The following LONP1 variants were observed in gnomAD, a reference collection of about 807,000 sequenced individuals.
The protein encoded by LONP1 is lon protease homolog, mitochondrial.
LONP1 carries 31 observed loss-of-function variants against 98.5 expected under a neutral mutation model. That is an observed-to-expected ratio of 0.31 (90% CI 0.24 to 0.42). The LOEUF (loss-of-function observed/expected upper bound fraction) is 0.42. Among genes scored for constraint, LONP1 ranks in the 20% least tolerant of loss-of-function variants. LONP1 has a pLI of 1.00. For synonymous variants in LONP1, 781 were observed against 594.7 expected, an observed-to-expected ratio of 1.31 and a Z score of -4.56; for missense variants, 1,336 against 1,350.6, an observed-to-expected ratio of 0.99 and a Z score of 0.17.
chr19:5,716,196 A>T (rs2145633299), intron 1 of LONP1, among the ~76,000 whole-genome samples: 1 of 145,922 alleles, frequency 6.9e-6, no homozygotes, highest in South Asian at 2.2e-4. Flanking sequence ...ACACAGTGAG[A>T]CCCCATCTCT....
At position 5,715,156 on chromosome 19, in the gene LONP1, A is replaced by G. The variant is rs561926601; in HGVS notation, c.430-885T>C. The stretch of plus-strand genomic sequence containing the variant: ...CTTCTTAGCGGTTTCCCCACTCCCA[A>G]AGGAAATTCAAAGTAGACGAATGGT... On this transcript the variant is annotated intron_variant, in intron 1 of 17. Coordinates refer to ENST00000360614, the MANE Select transcript of LONP1 (RefSeq NM_004793.4). The G allele has an allele frequency of 7.9e-5, 12 of 152,106 alleles. No individual in the cohort carries two copies. The East Asian group carries it at 2.1e-3, about 27-fold the overall frequency. 9.4% of individuals were successfully genotyped at this position (152,106 alleles called of 1,614,324 possible).
intron 1 of LONP1, among the ~76,000 whole-genome samples, chr19:5,716,661 G>C (rs1004849666): frequency 6.6e-6 from 1 of 151,652 alleles, no homozygotes; most frequent in Non-Finnish European, 1.5e-5. Context: ...CAGAACGCTT[G>C]TACCTCTGTA....
At chr19:5,709,307 G>A (rs777058157) in intron 4 of LONP1, among the ~76,000 whole-genome samples, 71 of 151,164 alleles carry the variant, frequency 4.7e-4, no homozygotes, top group Non-Finnish European at 9.0e-4. Flanking sequence ...TGGCCAACAC[G>A]GTGAAACCCC....
At chr19:5,715,052 A>C (rs947403517) in intron 1 of LONP1, 3 of 150,568 alleles carry the variant, frequency 2.0e-5, no homozygotes, top group Admixed American at 6.6e-5. Context: ...TAAACAAAAA[A>C]AAAAAAAAAA....
At chr19:5,716,232 T>G (rs905658448) in intron 1 of LONP1, among the ~76,000 whole-genome samples, 5 of 134,994 alleles carry the variant, frequency 3.7e-5, no homozygotes, top group Non-Finnish European at 6.2e-5. Flanking sequence ...TTTTTAATTC[T>G]TTATTATATA....
chr19:5,692,603 C>A (rs1311609158), intron 17 of LONP1, among the ~76,000 whole-genome samples: 1 of 152,180 alleles, frequency 6.6e-6, no homozygotes, highest in Non-Finnish European at 1.5e-5. Context: ...CGTCACCCCC[C>A]TCACCTCCGG....
In LONP1 at chr19:5,705,874, C is replaced by G; in HGVS notation, c.1265G>C (p.Arg422Pro). 1 of 1,614,166 alleles carries G rather than the reference C, an allele frequency of 6.2e-7. No homozygotes were observed. Among genetic ancestry groups the G allele is most frequent in the South Asian group, 1.1e-5 (1 of 91,086 alleles). ...DDKDAIEEKF[R>P]ERLKELVVPK... Reference sequence around the variant, plus strand: ...GACCACGAGCTCCTTCAGGCGCTCCCGGAACTTCTCCTCGATGGCATCCTT... The same window carrying G: ...GACCACGAGCTCCTTCAGGCGCTCCGGGAACTTCTCCTCGATGGCATCCTT... The change falls in exon 8 of 18, where the codon CGG becomes CCG. Residue 422 changes from arginine to proline, a missense_variant. Around this residue, in one of 5 missense-constraint regions of LONP1, gnomAD observed 219 missense variants for 241.0 expected, o/e 0.91. Coordinates refer to ENST00000360614, the MANE Select transcript of LONP1 (RefSeq NM_004793.4).
At position 5,716,235 on chromosome 19, in the gene LONP1, A is replaced by G. The variant is rs1336654456; in HGVS notation, c.430-1964T>C. ...TTCTTTTTGAAGTTTTTAATTCTTT[A>G]TTATATAATAAAGTTAAAATATACA... On this transcript the variant is annotated intron_variant, in intron 1 of 17. Coordinates refer to ENST00000360614, the MANE Select transcript of LONP1 (RefSeq NM_004793.4). Among the ~76,000 whole-genome samples, 4 of 130,710 alleles carry G rather than the reference A, an allele frequency of 3.1e-5. No homozygotes were observed. In the East Asian group the frequency reaches 6.7e-4, roughly 22 times the overall value. 85.8% of individuals were successfully genotyped at this position (130,710 alleles called of 152,430 possible).
At chr19:5,693,874 C>T (rs1348207406) in intron 15 of LONP1, 105 bp from the exon 16 acceptor site, 3 of 924,334 alleles carry the variant, frequency 3.2e-6, no homozygotes, top group East Asian at 5.3e-5. Context: ...AGTTTAGCAT[C>T]TTGGTGCCCC....
intron 10 of LONP1, among the ~76,000 whole-genome samples, chr19:5,698,149 G>A (rs537214277): frequency 2.7e-5 from 3 of 112,442 alleles, no homozygotes; most frequent in Non-Finnish European, 5.3e-5. Flanking sequence ...CCCAACTCCC[G>A]GCTGGTCAGA....
At chr19:5,693,860 C>T in intron 15 of LONP1, 91 bp from the exon 16 acceptor site, 2 of 1,091,378 alleles carry the variant, frequency 1.8e-6, no homozygotes, top group Non-Finnish European at 2.7e-6. Flanking sequence ...ACCGCTCCTG[C>T]CCCAGTTTAG....
Position 5,694,413 on chromosome 19 carries a change from A to C in LONP1, c.2294T>G (p.Val765Gly). ...RMYDVTPPGVVMGLAWTAMGG... is the reference protein window; with the variant it reads ...RMYDVTPPGVGMGLAWTAMGG... Reference sequence around the variant, plus strand: ...CATTGCGGTCCAGGCCAGCCCCATGACCACGCCGGGCGGTGTCACGTCATA... The same window carrying C: ...CATTGCGGTCCAGGCCAGCCCCATGCCCACGCCGGGCGGTGTCACGTCATA... The change falls in exon 15 of 18, where the codon GTC (valine) becomes GGC (glycine). Residue 765 changes from valine to glycine, a missense_variant. Physicochemically the swap from Val to Gly is moderately radical, Grantham distance 109. Transcript: ENST00000360614. The C allele has an allele frequency of 1.2e-6, 2 of 1,613,294 alleles. No homozygotes were observed. Among genetic ancestry groups the C allele is most frequent in the Non-Finnish European group, 1.7e-6 (2 of 1,179,934 alleles).
At chr19:5,693,487 G>T (rs1480966425) in intron 16 of LONP1, 25 bp from the exon 17 acceptor site, 2 of 1,611,496 alleles carry the variant, frequency 1.2e-6, no homozygotes, top group African/African-American at 2.7e-5. Context: ...GGGGATAGTG[G>T]GTGAGCAGGT....
chr19:5,701,659 G>A (rs2055046378), intron 8 of LONP1, among the ~76,000 whole-genome samples: 1 of 152,180 alleles, frequency 6.6e-6, no homozygotes, highest in Non-Finnish European at 1.5e-5. Flanking sequence ...CTGGAGTGCA[G>A]TGGCGTGATC....
Position 5,714,250 on chromosome 19 carries a change from C to G in LONP1, c.451G>C (p.Glu151Gln). 1 of 1,613,774 alleles carries G rather than the reference C, an allele frequency of 6.2e-7. No individual in the cohort carries two copies. The highest frequency in any genetic ancestry group is 8.5e-7 in the Non-Finnish European group (1 of 1,179,776). The change falls in exon 2 of 18, where the codon GAG becomes CAG. Residue 151 changes from glutamate (E) to glutamine (Q), a missense_variant. Glu to Gln is a conservative substitution (Grantham distance 29). Around this residue, in one of 5 missense-constraint regions of LONP1, gnomAD observed 457 missense variants for 403.1 expected, o/e 1.13. Transcript: ENST00000360614. ...IIEVKNKKLV[E>Q]LLRRKVRLAQ... ...AGACGAACTTTCCTTCTCAGCAGCTCAACCAACTTCTTATTTTTAACCTAG... is the reference window on the plus strand; with the variant it reads ...AGACGAACTTTCCTTCTCAGCAGCTGAACCAACTTCTTATTTTTAACCTAG...
chr19:5,700,148 T>C (rs1337823754), intron 9 of LONP1, among the ~76,000 whole-genome samples: 2 of 152,000 alleles, frequency 1.3e-5, no homozygotes, highest in Non-Finnish European at 2.9e-5. Flanking sequence ...AGTTTCACTC[T>C]TGTTGCCCAG....
At chr19:5,701,242 G>C (rs146933001) in intron 8 of LONP1, among the ~76,000 whole-genome samples, 15 of 152,166 alleles carry the variant, frequency 9.9e-5, no homozygotes, top group African/African-American at 3.6e-4. Context: ...TCAGGAGATC[G>C]AGACCATCCT....
In LONP1 at chr19:5,714,100, G is replaced by C. The variant is rs533903731; in HGVS notation, c.518+83C>G. Reference sequence around the variant, plus strand: ...GGTTTCCTCGGGGTCAGGGGTCAAAGGTGCAAAGTACAGAGTAGGACTTGT... The same window carrying C: ...GGTTTCCTCGGGGTCAGGGGTCAAACGTGCAAAGTACAGAGTAGGACTTGT... On this transcript the variant is annotated intron_variant, in intron 2 of 17. Coordinates refer to ENST00000360614, the MANE Select transcript of LONP1 (RefSeq NM_004793.4). 6.5e-6 allele frequency: 7 copies of C among 1,073,842 alleles called. No homozygotes were observed. The African/African-American group carries it at 9.5e-5, about 15-fold the overall frequency. The allele number at this position is 1,073,842 out of a possible 1,614,324, so 66.5% of individuals were successfully genotyped here.
rs529284402 is a variant in LONP1, at chr19:5,704,394, A to G, written c.1367+1378T>C. Reference sequence around the variant, plus strand: ...TCGGGGCGTGCTGGGAGGGGAAGCCACAGCCTTCGCGCGCAACCAGTGCCT... The same window carrying G: ...TCGGGGCGTGCTGGGAGGGGAAGCCGCAGCCTTCGCGCGCAACCAGTGCCT... On this transcript the variant is annotated intron_variant, in intron 8 of 17. Coordinates refer to ENST00000360614, the MANE Select transcript of LONP1 (RefSeq NM_004793.4). 1.6e-4 allele frequency among the ~76,000 whole-genome samples: 25 copies of G among 152,302 alleles called. No individual in the cohort carries two copies. In the South Asian group the frequency reaches 1.9e-3, roughly 11 times the overall value.
Sources: gnomAD v4.1 joint callset for allele counts (sites outside exome capture counted in the v4.1 genomes callset) on GRCh38, gnomAD v4.1.1 for gene constraint, gnomAD v4.1.1 regional missense constraint, MANE v1.5 for transcripts, NCBI Gene and HGNC (gene_info 2026-07-23, HGNC 2026-07-21) for gene names.